FHIT: variants seen among roughly 807,000 people sequenced by gnomAD.
The protein encoded by FHIT is bis(5'-adenosyl)-triphosphatase.
Under a neutral mutation model 17.9 loss-of-function variants are expected in FHIT, and 19 were observed. That is an observed-to-expected ratio of 1.06 (90% CI 0.74 to 1.56). The LOEUF is 1.56. Ranked by LOEUF, FHIT falls within the 40% of genes most tolerant of loss-of-function variation. The pLI, the probability that FHIT is intolerant of heterozygous loss-of-function variation, is 0.00. For missense variants in FHIT, 248 were observed against 189.2 expected, an observed-to-expected ratio of 1.31 and a Z score of -1.82; for synonymous variants, 81 against 69.7, an observed-to-expected ratio of 1.16 and a Z score of -0.81.
At chr3:60,274,387 A>G (rs1707022012) in intron 5 of FHIT, among the ~76,000 whole-genome samples, 1 of 152,182 alleles carries the variant, frequency 6.6e-6, no homozygotes, top group African/African-American at 2.4e-5. Context: ...GTCACTCAAT[A>G]AATATTTGAA....
In FHIT at chr3:60,435,889, T is replaced by G. The variant is rs1576649013; in HGVS notation, c.103+100971A>C. 2.0e-5 allele frequency among the ~76,000 whole-genome samples: 3 copies of G among 152,224 alleles called. No individual in the cohort carries two copies. In the Middle Eastern group the frequency reaches 0.01, roughly 518 times the overall value. On this transcript the variant is annotated intron_variant, in intron 5 of 9. Coordinates refer to ENST00000492590, the MANE Select transcript of FHIT (RefSeq NM_002012.4). ...GTGTTCTCATCATTTAGCTCCCACT[T>G]ACAGGTGAAAACGTATAGTATTTGG... is the stretch of plus-strand genomic sequence containing the variant.
In FHIT at chr3:60,449,730, C is replaced by T. The variant is rs962073386; in HGVS notation, c.103+87130G>A. 3.9e-5 allele frequency among the ~76,000 whole-genome samples: 6 copies of T among 151,938 alleles called. No homozygotes were observed. In the East Asian group the frequency reaches 5.8e-4, roughly 15 times the overall value. ...AAAATATGGCACAAAAGGTAGCTGG[C>T]GTGGTGACTCAGGCCTGTAATCCCA... On this transcript the variant is annotated intron_variant, in intron 5 of 9. Transcript: ENST00000492590.
chr3:61,184,408 A>G (rs946945984), intron 2 of FHIT, among the ~76,000 whole-genome samples: 1 of 152,140 alleles, frequency 6.6e-6, no homozygotes, highest in Admixed American at 6.5e-5. Flanking sequence ...GCTGAAGCCA[A>G]CCAAAGCTGA....
At chr3:61,184,196 C>CTA (rs2038432368) in intron 2 of FHIT, among the ~76,000 whole-genome samples, 1 of 152,100 alleles carries the variant, frequency 6.6e-6, no homozygotes, top group South Asian at 2.1e-4. Flanking sequence ...CAGATTCACA[C>CTA]ACCTCTCGGC....
At chr3:60,858,404 C>T (rs1703473513) in intron 3 of FHIT, among the ~76,000 whole-genome samples, 1 of 152,144 alleles carries the variant, frequency 6.6e-6, no homozygotes, top group Admixed American at 6.5e-5. Context: ...GAGCAGCATT[C>T]AGAACCATCA....
intron 8 of FHIT, among the ~76,000 whole-genome samples, chr3:59,755,134 G>C (rs1559574512): frequency 8.5e-6 from 1 of 117,026 alleles, no homozygotes; most frequent in Non-Finnish European, 1.9e-5. Flanking sequence ...CACATTGCTT[G>C]TGATCCTATC....
At chr3:60,454,818 C>A (rs987660103) in intron 5 of FHIT, among the ~76,000 whole-genome samples, 24 of 152,116 alleles carry the variant, frequency 1.6e-4, no homozygotes, top group African/African-American at 5.8e-4. Context: ...TTCCCACAAT[C>A]CTTCCCAGGA....
At chr3:60,341,526 T>C (rs1156601653) in intron 5 of FHIT, among the ~76,000 whole-genome samples, 1 of 152,264 alleles carries the variant, frequency 6.6e-6, no homozygotes, top group East Asian at 1.9e-4. Flanking sequence ...TTTACTGCGT[T>C]CTAAGCTCTG....
At chr3:59,874,764 A>G (rs541503478) in intron 8 of FHIT, among the ~76,000 whole-genome samples, 1 of 152,258 alleles carries the variant, frequency 6.6e-6, no homozygotes, top group Admixed American at 6.5e-5. Context: ...GGATGCAGCA[A>G]GAACCAGACA....
At chr3:60,865,379 A>G (rs944036093) in intron 3 of FHIT, among the ~76,000 whole-genome samples, 8 of 152,228 alleles carry the variant, frequency 5.3e-5, no homozygotes, top group African/African-American at 1.2e-4. Flanking sequence ...TGTACTGGTC[A>G]GCACATGTAT....
intron 5 of FHIT, among the ~76,000 whole-genome samples, chr3:60,281,528 A>G (rs1004466389): frequency 6.6e-6 from 1 of 152,066 alleles, no homozygotes; most frequent in African/African-American, 2.4e-5. Context: ...AAATAGACCA[A>G]TACAAACATA....
chr3:60,499,989 A>G (rs1324460792), intron 5 of FHIT, among the ~76,000 whole-genome samples: 1 of 152,196 alleles, frequency 6.6e-6, no homozygotes, highest in African/African-American at 2.4e-5. Context: ...CACAAGAATA[A>G]AAGTAGGATC....
intron 7 of FHIT, among the ~76,000 whole-genome samples, chr3:59,932,699 G>A (rs1490909246): frequency 6.6e-6 from 1 of 151,874 alleles, no homozygotes; most frequent in East Asian, 1.9e-4. Context: ...GCAATAAACA[G>A]AACAAAATGA....
In FHIT at chr3:61,017,640, G is replaced by A. The variant is rs2032187847; in HGVS notation, c.-111+24407C>T. 2.6e-5 allele frequency among the ~76,000 whole-genome samples: 4 copies of A among 152,138 alleles called. No homozygotes were observed. In the South Asian group the frequency reaches 8.3e-4, roughly 32 times the overall value. ...CAGGGACCAAAATTCATTCAATGTT[G>A]CCACTTGGGTGTCTAATATGCTGCA... On this transcript the variant is annotated intron_variant, in intron 3 of 9. Coordinates refer to ENST00000492590, the MANE Select transcript of FHIT (RefSeq NM_002012.4).
Position 60,801,645 on chromosome 3 carries a change from A to G in FHIT, c.-18+20274T>C, listed in dbSNP as rs117954582. On this transcript the variant is annotated intron_variant, in intron 4 of 9. Coordinates refer to ENST00000492590, the MANE Select transcript of FHIT (RefSeq NM_002012.4). Reference sequence around the variant, plus strand: ...CAGACCAAGGTTATGCAAAAGAGAAATGAAAATTAACTTATTAATCTTATG... The same window carrying G: ...CAGACCAAGGTTATGCAAAAGAGAAGTGAAAATTAACTTATTAATCTTATG... Among the ~76,000 whole-genome samples, 728 of 152,350 alleles carry G rather than the reference A, an allele frequency of 4.8e-3. 37 individuals carry two copies. In the East Asian group the frequency reaches 0.12, roughly 24 times the overall value.
chr3:60,885,524 G>A (rs548915388), intron 3 of FHIT, among the ~76,000 whole-genome samples: 7 of 152,126 alleles, frequency 4.6e-5, no homozygotes, highest in Non-Finnish European at 1.0e-4. Context: ...ATCAGATCAT[G>A]TCATGCCTTG....
chr3:60,975,843 T>C (rs1363924712), intron 3 of FHIT, among the ~76,000 whole-genome samples: 2 of 152,170 alleles, frequency 1.3e-5, no homozygotes, highest in Non-Finnish European at 2.9e-5. Flanking sequence ...AGCTTACAAG[T>C]TGATATAAAA....
chr3:61,249,499 G>A (rs1236878056), intron 1 of FHIT, among the ~76,000 whole-genome samples: 1 of 152,142 alleles, frequency 6.6e-6, no homozygotes, highest in Non-Finnish European at 1.5e-5. Context: ...AGAAAGGTTG[G>A]ACTCCTCCTC....
At chr3:61,024,200 C>G (rs1013533068) in intron 3 of FHIT, among the ~76,000 whole-genome samples, 2 of 152,012 alleles carry the variant, frequency 1.3e-5, no homozygotes, top group African/African-American at 4.8e-5. Context: ...CACAGAGTAA[C>G]TCTTAAAAAT....
Sources: allele counts gnomAD v4.1 joint callset (sites outside exome capture counted in the v4.1 genomes callset), GRCh38; gene constraint gnomAD v4.1.1; transcripts MANE v1.5; gene names NCBI Gene and HGNC (gene_info 2026-07-23, HGNC 2026-07-21).